IRAK3: variants seen among roughly 807,000 people sequenced by gnomAD.
The protein encoded by IRAK3 is interleukin 1 receptor associated kinase 3, also known as interleukin-1 receptor-associated kinase 3.
Under a neutral mutation model 56.6 loss-of-function variants are expected in IRAK3, and 57 were observed. The observed-to-expected ratio is 1.01, with a 90% CI of 0.81 to 1.26. The LOEUF (loss-of-function observed/expected upper bound fraction) is 1.26. Ranked by LOEUF, IRAK3 falls within the 50% of genes most tolerant of loss-of-function variation. IRAK3 has a pLI of 0.00. For synonymous variants in IRAK3, 258 were observed against 255.7 expected, an observed-to-expected ratio of 1.01 and a Z score of -0.09; for missense variants, 703 against 719.0, an observed-to-expected ratio of 0.98 and a Z score of 0.25.
intron 8 of IRAK3, among the ~76,000 whole-genome samples, chr12:66,236,852 A>T (rs1312861106): frequency 3.9e-5 from 6 of 152,124 alleles, no homozygotes. Context: ...AATCAGAATG[A>T]GGTCAGATAT....
chr12:66,207,879 A>G (rs892157487), intron 2 of IRAK3, among the ~76,000 whole-genome samples: 1 of 152,178 alleles, frequency 6.6e-6, no homozygotes, highest in African/African-American at 2.4e-5. Context: ...ATATGATCAG[A>G]AAATAGACTT....
intron 8 of IRAK3, among the ~76,000 whole-genome samples, chr12:66,241,370 T>G (rs763813881): frequency 7.9e-5 from 12 of 152,374 alleles, no homozygotes; most frequent in Non-Finnish European, 1.8e-4. Flanking sequence ...CACAGTTGCT[T>G]GCAGGCTGCC....
At chr12:66,235,056 T>A in intron 8 of IRAK3, 1 of 1,613,342 alleles carries the variant, frequency 6.2e-7, no homozygotes, top group Non-Finnish European at 8.5e-7. Context: ...TGACAGAGCT[T>A]CACCAGGTCC....
chr12:66,242,122 G>A (rs940106560), intron 8 of IRAK3, among the ~76,000 whole-genome samples: 1 of 152,102 alleles, frequency 6.6e-6, no homozygotes, highest in Admixed American at 6.5e-5. Context: ...TTGAATATCT[G>A]CCATTCAGAA....
At chr12:66,208,173 T>A (rs1195416667) in intron 2 of IRAK3, among the ~76,000 whole-genome samples, 1 of 152,182 alleles carries the variant, frequency 6.6e-6, no homozygotes, top group Non-Finnish European at 1.5e-5. Flanking sequence ...ATGAAAGTTT[T>A]CTAGTCTGAG....
Position 66,189,286 on chromosome 12 carries a change from C to T in IRAK3, c.-14C>T. On this transcript the variant is annotated 5_prime_UTR_variant, in exon 1 of 12. Transcript: ENST00000261233. ...TGGACTCCGCCTCGTCCCCGGGGCT[C>T]GGGCAGCCGAGCCATGGCGGGGAAC... The T allele has an allele frequency of 6.5e-7, 1 of 1,534,544 alleles. No homozygotes were observed. Among genetic ancestry groups the T allele is most frequent in the African/African-American group, 1.4e-5 (1 of 73,114 alleles).
intron 1 of IRAK3, among the ~76,000 whole-genome samples, chr12:66,200,704 A>G (rs551034411): frequency 6.6e-6 from 1 of 152,326 alleles, no homozygotes; most frequent in African/African-American, 2.4e-5. Flanking sequence ...GGGGGATGCC[A>G]TATTAAGGCA....
chr12:66,246,871 G>A (rs1289985063), intron 11 of IRAK3, among the ~76,000 whole-genome samples: 2 of 152,094 alleles, frequency 1.3e-5, no homozygotes, highest in South Asian at 2.1e-4. Context: ...CAAATCATCC[G>A]AAGCTTCTAA....
rs2052965013 is a variant in IRAK3, at chr12:66,241,107, A to G, written c.888-3379A>G. Reference sequence around the variant, plus strand: ...CCCGAAAATTGTCCTAGAGACCCCTACTAATAGAGAGATTAAGTAACATCC... The same window carrying G: ...CCCGAAAATTGTCCTAGAGACCCCTGCTAATAGAGAGATTAAGTAACATCC... On this transcript the variant is annotated intron_variant, in intron 8 of 11. Transcript: ENST00000261233. Among the ~76,000 whole-genome samples, 3 of 152,124 alleles carry G rather than the reference A, an allele frequency of 2.0e-5. No individual in the cohort carries two copies. The South Asian group carries it at 6.2e-4, about 31-fold the overall frequency.
At chr12:66,227,289 G>A (rs1421704559) in intron 7 of IRAK3, among the ~76,000 whole-genome samples, 4 of 151,906 alleles carry the variant, frequency 2.6e-5, no homozygotes, top group East Asian at 3.9e-4. Context: ...CCAGATTCTC[G>A]CCTCTACTAA....
intron 8 of IRAK3, among the ~76,000 whole-genome samples, chr12:66,238,649 AAGAG>A (rs1456888001): frequency 6.6e-6 from 1 of 152,204 alleles, no homozygotes; most frequent in Non-Finnish European, 1.5e-5. Context: ...AGAGGCATTG[AAGAG>A]GAGATCGGGC....
intron 5 of IRAK3, among the ~76,000 whole-genome samples, chr12:66,214,964 A>C (rs894083737): frequency 6.6e-6 from 1 of 152,188 alleles, no homozygotes; most frequent in African/African-American, 2.4e-5. Context: ...GGTGATTCCG[A>C]GTTTGCAGCT....
intron 6 of IRAK3, among the ~76,000 whole-genome samples, chr12:66,220,839 CACTT>C (rs993095717): frequency 1.3e-5 from 2 of 151,988 alleles, no homozygotes; most frequent in African/African-American, 4.8e-5. Flanking sequence ...TTCTTAAACT[CACTT>C]ACTGTTTTGG....
chr12:66,217,037 A>C (rs1418361101), intron 5 of IRAK3, 134 bp from the exon 6 acceptor site: 8 of 723,848 alleles, frequency 1.1e-5, no homozygotes, highest in Non-Finnish European at 1.8e-5. Context: ...GCTAAATGTC[A>C]TCTCCCCAGA....
intron 1 of IRAK3, among the ~76,000 whole-genome samples, chr12:66,196,643 A>G (rs2052455918): frequency 6.6e-6 from 1 of 152,186 alleles, no homozygotes; most frequent in African/African-American, 2.4e-5. Flanking sequence ...GGCATGGGGT[A>G]AAACATACAC....
At chr12:66,191,049 C>T (rs1216446716) in intron 1 of IRAK3, among the ~76,000 whole-genome samples, 1 of 152,068 alleles carries the variant, frequency 6.6e-6, no homozygotes, top group Non-Finnish European at 1.5e-5. Flanking sequence ...TTTTTCAAAG[C>T]AAGGGAGCCA....
rs1435726128 is a variant in IRAK3, at chr12:66,244,624, A to G, written c.1026A>G (p.Pro342=). 1.9e-6 allele frequency: 3 copies of G among 1,614,126 alleles called. No homozygotes were observed. The South Asian group carries it at 3.3e-5, about 18-fold the overall frequency. The change falls in exon 9 of 12, where the codon CCA becomes CCG. Residue 342 remains proline, a synonymous_variant. Coordinates refer to ENST00000261233, the MANE Select transcript of IRAK3 (RefSeq NM_007199.3). ...GCAGTAAACATCTGTGGTACATGCC[A>G]GAAGAGTACATCAGACAGGGGAAAC... ...SSSSKHLWYM[P]EEYIRQGKLS...
intron 1 of IRAK3, among the ~76,000 whole-genome samples, chr12:66,191,118 G>T (rs1054817201): frequency 4.6e-5 from 7 of 152,188 alleles, no homozygotes; most frequent in African/African-American, 1.2e-4. Context: ...AGGAGGGTGG[G>T]AGAAGAAGGC....
Position 66,210,142 on chromosome 12 carries a change from C to G in IRAK3, c.382-5C>G, listed in dbSNP as rs1323934460. On this transcript the variant is annotated splice_region_variant and splice_polypyrimidine_tract_variant and intron_variant, in intron 3 of 11. Coordinates refer to ENST00000261233, the MANE Select transcript of IRAK3 (RefSeq NM_007199.3). ...AATTACTTTAGTATATATTTCTTCT[C>G]TTAGGAAACAGCCAATGTCACCGTG... 2 of 1,571,358 alleles carry G rather than the reference C, an allele frequency of 1.3e-6. No homozygotes were observed. The highest frequency in any genetic ancestry group is 1.7e-5 in the Admixed American group (1 of 59,924).
Sources: allele counts gnomAD v4.1 joint callset (sites outside exome capture counted in the v4.1 genomes callset), GRCh38; gene constraint gnomAD v4.1.1; transcripts MANE v1.5; gene names NCBI Gene and HGNC (gene_info 2026-07-23, HGNC 2026-07-21).